The following MARCHF1 variants were observed in gnomAD, a reference collection of about 807,000 sequenced individuals.
MARCHF1 encodes the protein E3 ubiquitin-protein ligase MARCHF1.
MARCHF1 carries 40 observed loss-of-function variants against 54.2 expected under a neutral mutation model. The ratio of observed to expected loss-of-function variants is 0.74; its 90% CI spans 0.57 to 0.96. The LOEUF (loss-of-function observed/expected upper bound fraction) is 0.96, where lower values mean the gene tolerates loss of function less well. MARCHF1 is among the 40% of genes least tolerant of loss of function. The probability of loss-of-function intolerance (pLI) is 0.00; values close to 1 mark genes in which losing one functional copy is unlikely to be tolerated. For missense variants in MARCHF1, 586 were observed against 656.5 expected (o/e 0.89, Z 1.17); for synonymous variants, 236 against 236.3 (o/e 1.00, Z 0.01).
At chr4:163,733,201 A>ACACACATACACATG (rs1193985457) in intron 4 of MARCHF1, among the ~76,000 whole-genome samples, 8 of 34,260 alleles carry the variant, frequency 2.3e-4, no homozygotes, top group African/African-American at 7.1e-4. Flanking sequence ...ATATATATAT[A>ACACACATACACATG]TATATATATA....
intron 1 of MARCHF1, among the ~76,000 whole-genome samples, chr4:164,146,974 C>A (rs1312456042): frequency 6.6e-6 from 1 of 150,916 alleles, no homozygotes; most frequent in African/African-American, 2.4e-5. Context: ...AACAAATTTA[C>A]AAGAAAAAAA....
intron 4 of MARCHF1, among the ~76,000 whole-genome samples, chr4:163,733,201 A>ACG (rs1193985457): frequency 2.9e-5 from 1 of 34,264 alleles, no homozygotes; most frequent in Non-Finnish European, 6.1e-5. Context: ...ATATATATAT[A>ACG]TATATATATA....
intron 4 of MARCHF1, among the ~76,000 whole-genome samples, chr4:163,741,598 A>AT (rs5863621): frequency 6.6e-6 from 1 of 151,436 alleles, no homozygotes; most frequent in Non-Finnish European, 1.5e-5. Context: ...AAAAAAAAAA[A>AT]TTTGGAAACC....
rs1738190567 is a variant in MARCHF1 at position 163,527,956 on chromosome 4, C to CT, written c.*791_*792insA. 2 of 152,124 alleles carry CT rather than the reference C, an allele frequency of 1.3e-5. No homozygotes were observed. The highest frequency in any genetic ancestry group is 6.6e-5 in the Admixed American group (1 of 15,228). The allele number at this position is 152,124 out of a possible 1,614,324, so 9.4% of individuals were successfully genotyped here. A position where few individuals can be genotyped will look rare whatever the true frequency, so the allele number is the denominator to read the frequency against. On this transcript the variant is annotated 3_prime_UTR_variant, in exon 10 of 10. Transcript: ENST00000514618. The stretch of plus-strand genomic sequence containing the variant: ...GGGCTACTGGGAAGTTAAATATTTG[C>CT]ATCTGTGGCCTGCATTTGTGGCTGT...
At chr4:163,751,585 A>AAATTAT (rs138437215) in intron 4 of MARCHF1, among the ~76,000 whole-genome samples, 46,431 of 151,796 alleles carry the variant, frequency 0.31, 8,618 homozygotes, top group Non-Finnish European at 0.43. Flanking sequence ...ATACATTACC[A>AAATTAT]AAAATTATAA....
At chr4:163,850,439 C>T (rs1749611631) in intron 4 of MARCHF1, among the ~76,000 whole-genome samples, 1 of 152,150 alleles carries the variant, frequency 6.6e-6, no homozygotes. Context: ...AGTTGTGAAC[C>T]TTTTTGACAT....
At chr4:164,333,241 T>C (rs186747250) in intron 1 of MARCHF1, among the ~76,000 whole-genome samples, 9 of 152,282 alleles carry the variant, frequency 5.9e-5, no homozygotes, top group Admixed American at 2.0e-4. Context: ...TGTATATGTA[T>C]ATAAATATGT....
chr4:164,356,774 G>GAAAAACAAAAAAAAAAAAA (rs1730556953), intron 1 of MARCHF1, among the ~76,000 whole-genome samples: 1 of 78,304 alleles, frequency 1.3e-5, no homozygotes, highest in Non-Finnish European at 2.4e-5. Flanking sequence ...AAAAAAAAAA[G>GAAAAACAAAAAAAAAAAAA]AAAAGCAAAA....
chr4:163,638,241 A>T (rs1347167796), intron 5 of MARCHF1, among the ~76,000 whole-genome samples: 1 of 128,230 alleles, frequency 7.8e-6, no homozygotes, highest in Non-Finnish European at 1.5e-5. Context: ...TTAAAGTATA[A>T]TAAAAAAAAA....
At chr4:164,013,032 C>T (rs1244341917) in intron 2 of MARCHF1, among the ~76,000 whole-genome samples, 2 of 152,122 alleles carry the variant, frequency 1.3e-5, no homozygotes, top group East Asian at 1.9e-4. Context: ...AACATGACCT[C>T]ACCAAACACA....
chr4:163,579,223 T>G (rs115617017), intron 8 of MARCHF1, among the ~76,000 whole-genome samples: 2,849 of 152,304 alleles, frequency 0.019, 78 homozygotes, highest in African/African-American at 0.063. Flanking sequence ...TTGATACATG[T>G]TGGCATTGTA....
intron 1 of MARCHF1, among the ~76,000 whole-genome samples, chr4:164,230,866 T>C (rs1410959442): frequency 6.6e-6 from 1 of 152,282 alleles, no homozygotes; most frequent in African/African-American, 2.4e-5. Context: ...TTGCTTTTAT[T>C]GTGCAGTATA....
intron 5 of MARCHF1, among the ~76,000 whole-genome samples, chr4:163,689,746 G>C (rs1744385282): frequency 6.6e-6 from 1 of 151,794 alleles, no homozygotes; most frequent in African/African-American, 2.4e-5. Flanking sequence ...GTCCTATCAT[G>C]TGTGGGATGA....
chr4:164,070,902 T>TC (rs1293583208), intron 2 of MARCHF1, among the ~76,000 whole-genome samples: 1 of 152,188 alleles, frequency 6.6e-6, no homozygotes, highest in Non-Finnish European at 1.5e-5. Flanking sequence ...GAGGCCCTTC[T>TC]CCTACTGTTT....
chr4:164,044,183 A>T (rs1321831201), intron 2 of MARCHF1, among the ~76,000 whole-genome samples: 1 of 152,208 alleles, frequency 6.6e-6, no homozygotes, highest in Non-Finnish European at 1.5e-5. Flanking sequence ...GTATCTTTAT[A>T]GCAGTGCCCC....
intron 7 of MARCHF1, among the ~76,000 whole-genome samples, chr4:163,595,207 C>CAATAGAGAAAGAAAATATGGTATA (rs1212430975): frequency 6.5e-5 from 9 of 139,088 alleles, no homozygotes; most frequent in African/African-American, 2.4e-4. Context: ...ATCAACTTAT[C>CAATAGAGAAAGAAAATATGGTATA]AATAGAGAAA....
At chr4:163,614,162 G>A (rs1741439795) in intron 5 of MARCHF1, among the ~76,000 whole-genome samples, 1 of 152,004 alleles carries the variant, frequency 6.6e-6, no homozygotes, top group African/African-American at 2.4e-5. Context: ...TATGTTCCAG[G>A]CATTGTGCTG....
intron 4 of MARCHF1, among the ~76,000 whole-genome samples, chr4:163,772,400 T>C (rs1747187527): frequency 6.6e-6 from 1 of 152,182 alleles, no homozygotes; most frequent in Non-Finnish European, 1.5e-5. Context: ...CACTGTCATG[T>C]AGGCGTGACT....
intron 1 of MARCHF1, among the ~76,000 whole-genome samples, chr4:164,114,419 A>G (rs1755898772): frequency 6.6e-6 from 1 of 151,866 alleles, no homozygotes; most frequent in Non-Finnish European, 1.5e-5. Context: ...TTACATAAAC[A>G]CAATTAGCAT....
Sources: gnomAD v4.1 joint callset for allele counts (sites outside exome capture counted in the v4.1 genomes callset) on GRCh38, gnomAD v4.1.1 for gene constraint, MANE v1.5 for transcripts, NCBI Gene and HGNC (gene_info 2026-07-23, HGNC 2026-07-21) for gene names.